The following PRDM16 variants were observed in gnomAD, a reference collection of about 807,000 sequenced individuals.
PRDM16 encodes the protein histone-lysine N-methyltransferase PRDM16.
A neutral mutation model predicts 110.6 loss-of-function variants in PRDM16; 23 were observed. The observed-to-expected ratio is 0.21, with a 90% CI of 0.15 to 0.29. The LOEUF (loss-of-function observed/expected upper bound fraction) is 0.29, where lower values mean the gene tolerates loss of function less well. Among genes scored for constraint, PRDM16 ranks in the 10% least tolerant of loss-of-function variants. The pLI is 1.00. For missense variants in PRDM16, 1,615 were observed against 1,794.3 expected, an observed-to-expected ratio of 0.90 and a Z score of 1.81; for synonymous variants, 799 against 781.8, an observed-to-expected ratio of 1.02 and a Z score of -0.37.
At chr1:3,324,797 G>A (rs1168212375) in intron 3 of PRDM16, among the ~76,000 whole-genome samples, 4 of 150,668 alleles carry the variant, frequency 2.7e-5, no homozygotes, top group East Asian at 2.0e-4. Flanking sequence ...CAAACTCGGC[G>A]AGTGAGCAGA....
intron 1 of PRDM16, among the ~76,000 whole-genome samples, chr1:3,106,723 G>C (rs556881536): frequency 5.9e-5 from 9 of 152,158 alleles, no homozygotes; most frequent in Non-Finnish European, 5.9e-5. Context: ...GGCCAGCATG[G>C]GGGGGAGCAG....
chr1:3,305,273 C>T (rs10909923), intron 3 of PRDM16, among the ~76,000 whole-genome samples: 29,335 of 152,208 alleles, frequency 0.19, 2,908 homozygotes, highest in East Asian at 0.32. Context: ...GCCGCATCTC[C>T]GCAGGCCCCC....
intron 2 of PRDM16, among the ~76,000 whole-genome samples, chr1:3,238,506 A>AT (rs901122406): frequency 1.3e-5 from 2 of 152,194 alleles, no homozygotes; most frequent in African/African-American, 4.8e-5. Flanking sequence ...GGCCAAGCTG[A>AT]TTTTTTTAAT....
At chr1:3,125,781 C>G (rs1352368761) in intron 1 of PRDM16, among the ~76,000 whole-genome samples, 1 of 152,342 alleles carries the variant, frequency 6.6e-6, no homozygotes, top group Non-Finnish European at 1.5e-5. Context: ...CCTGGCCCCT[C>G]GGAGCGGAGC....
At position 3,404,893 on chromosome 1, in the gene PRDM16, T is replaced by C. The variant is rs765258397; in HGVS notation, c.1032+7T>C. 1 of 1,612,018 alleles carries C rather than the reference T, an allele frequency of 6.2e-7. No individual in the cohort carries two copies. The highest frequency in any genetic ancestry group is 1.1e-5 in the South Asian group (1 of 90,994). On this transcript the variant is annotated splice_region_variant and intron_variant, in intron 7 of 16. Transcript: ENST00000270722. Reference sequence around the variant, plus strand: ...ATGTGAAAACTGCGTGAAGGTAACCTGCGGGGCGGCCCCGTCTCAGCCCCG... The same window carrying C: ...ATGTGAAAACTGCGTGAAGGTAACCCGCGGGGCGGCCCCGTCTCAGCCCCG...
At chr1:3,337,332 A>C (rs1221837693) in intron 3 of PRDM16, among the ~76,000 whole-genome samples, 1 of 152,236 alleles carries the variant, frequency 6.6e-6, no homozygotes, top group Admixed American at 6.5e-5. Context: ...GAGCTGGCAC[A>C]TTCTTCTCCC....
At chr1:3,217,857 G>A (rs946110139) in intron 2 of PRDM16, among the ~76,000 whole-genome samples, 6 of 152,134 alleles carry the variant, frequency 3.9e-5, no homozygotes, top group African/African-American at 1.4e-4. Flanking sequence ...ATGCTACCTC[G>A]CTCACTCCCA....
In PRDM16 at chr1:3,255,317, C is replaced by T. The variant is rs116531959; in HGVS notation, c.438+11180C>T. Among the ~76,000 whole-genome samples, 1,240 of 152,276 alleles carry T rather than the reference C, an allele frequency of 8.1e-3. 20 individuals carry two copies. Among genetic ancestry groups the T allele is most frequent in the African/African-American group, 0.028 (1,158 of 41,546 alleles). ...CCACCACACTCTTAAATGCAGGAGA[C>T]GGTTTCCAAATGCAGCCTGCAGACC... On this transcript the variant is annotated intron_variant, in intron 3 of 16. Transcript: ENST00000270722. The surrounding 1 kb of genome is among the most constrained non-coding windows in gnomAD (Gnocchi z 4.7).
intron 3 of PRDM16, among the ~76,000 whole-genome samples, chr1:3,326,767 TC>T (rs1420248497): frequency 6.6e-6 from 1 of 152,154 alleles, no homozygotes; most frequent in Non-Finnish European, 1.5e-5. Flanking sequence ...GCGTTCTGGC[TC>T]CCAAGCCCCC....
At chr1:3,349,612 G>A (rs1030163609) in intron 3 of PRDM16, among the ~76,000 whole-genome samples, 1 of 152,202 alleles carries the variant, frequency 6.6e-6, no homozygotes, top group African/African-American at 2.4e-5. Flanking sequence ...GGCAAGGGTG[G>A]CGGAGGAGCC....
chr1:3,163,468 G>A (rs986489803), intron 1 of PRDM16, among the ~76,000 whole-genome samples: 1 of 152,210 alleles, frequency 6.6e-6, no homozygotes, highest in South Asian at 2.1e-4. Context: ...CCAGCCCAGA[G>A]TAGGTGTTGA....
At chr1:3,264,579 C>T (rs560267335) in intron 3 of PRDM16, among the ~76,000 whole-genome samples, 5 of 134,182 alleles carry the variant, frequency 3.7e-5, no homozygotes, top group Non-Finnish European at 6.3e-5. Context: ...CTGAGGACCC[C>T]GGGCCAGGAG....
chr1:3,237,299 C>T (rs1362420928), intron 2 of PRDM16, among the ~76,000 whole-genome samples: 1 of 152,100 alleles, frequency 6.6e-6, no homozygotes, highest in Non-Finnish European at 1.5e-5. Flanking sequence ...GCTCATTTGC[C>T]CCCTGCTAAC....
At chr1:3,136,702 G>A (rs758797394) in intron 1 of PRDM16, among the ~76,000 whole-genome samples, 38 of 152,034 alleles carry the variant, frequency 2.5e-4, no homozygotes, top group Admixed American at 5.2e-4. Context: ...TGGCCCCACC[G>A]CCCCCTGCTT....
chr1:3,328,609 T>A (rs1570083298), intron 3 of PRDM16, among the ~76,000 whole-genome samples: 1 of 151,980 alleles, frequency 6.6e-6, no homozygotes, highest in South Asian at 2.1e-4. Context: ...CATCAGAGGG[T>A]ACAGCTGTCT....
intron 1 of PRDM16, among the ~76,000 whole-genome samples, chr1:3,178,562 C>G (rs2376495): frequency 0.23 from 35,031 of 152,144 alleles, 4,133 homozygotes; most frequent in Admixed American, 0.29. Flanking sequence ...CTTGAAAAAC[C>G]TCAGGGTCAA....
chr1:3,416,118 G>A (rs1269660788), intron 10 of PRDM16, among the ~76,000 whole-genome samples: 2 of 152,220 alleles, frequency 1.3e-5, no homozygotes, highest in Middle Eastern at 3.2e-3. Flanking sequence ...CTTGGCCACT[G>A]TGGACGGACA....
chr1:3,418,077 A>C, intron 11 of PRDM16, 80 bp downstream of exon 11: 1 of 1,250,828 alleles, frequency 8.0e-7, no homozygotes, highest in Non-Finnish European at 1.1e-6. Context: ...CTGTGCTTCC[A>C]GGAAAAACTC....
intron 1 of PRDM16, among the ~76,000 whole-genome samples, chr1:3,184,946 C>T (rs1437143810): frequency 6.6e-6 from 1 of 152,032 alleles, no homozygotes; most frequent in Non-Finnish European, 1.5e-5. Flanking sequence ...CGCCGAGTGC[C>T]GCATGTCCCA....
Sources: gnomAD v4.1 joint callset for allele counts (sites outside exome capture counted in the v4.1 genomes callset) on GRCh38, gnomAD v4.1.1 for gene constraint, Gnocchi (gnomAD v3.1) non-coding constraint, MANE v1.5 for transcripts, NCBI Gene and HGNC (gene_info 2026-07-23, HGNC 2026-07-21) for gene names.